SLC15A4: variants seen among roughly 807,000 people sequenced by gnomAD.
SLC15A4 encodes the protein hPHT1.
SLC15A4 carries 26 observed loss-of-function variants against 46.1 expected under a neutral mutation model. The observed-to-expected ratio is 0.56, with a 90% CI of 0.41 to 0.78. The LOEUF (loss-of-function observed/expected upper bound fraction) is 0.78, where lower values mean the gene tolerates loss of function less well. Ranked by LOEUF, SLC15A4 falls within the 30% of genes least tolerant of loss-of-function variation. The pLI is 0.00. For synonymous variants in SLC15A4, 370 were observed against 333.4 expected (o/e 1.11, Z -1.20); for missense variants, 751 against 755.7 (o/e 0.99, Z 0.07).
intron 1 of SLC15A4, among the ~76,000 whole-genome samples, chr12:128,817,348 G>A (rs545755768): frequency 6.6e-6 from 1 of 152,280 alleles, no homozygotes; most frequent in South Asian, 2.1e-4. Flanking sequence ...AAAAATGTGA[G>A]CAGAGAAATG....
intron 5 of SLC15A4, among the ~76,000 whole-genome samples, chr12:128,802,109 G>C (rs1202697548): frequency 1.3e-5 from 2 of 152,112 alleles, no homozygotes; most frequent in Non-Finnish European, 2.9e-5. Context: ...AGAGTGTCAA[G>C]GGAAACCCAA....
chr12:128,810,397 C>T, intron 2 of SLC15A4: 1 of 371,598 alleles, frequency 2.7e-6, no homozygotes. Flanking sequence ...TGAACCACGG[C>T]TGAGCTGAGA....
chr12:128,823,354 G>A (rs1354949941), intron 1 of SLC15A4, 44 bp downstream of exon 1: 5 of 1,354,128 alleles, frequency 3.7e-6, no homozygotes, highest in Non-Finnish European at 4.7e-6. Context: ...GGGCTGGGCA[G>A]GGGCTGGACA....
intron 5 of SLC15A4, among the ~76,000 whole-genome samples, chr12:128,805,779 G>A (rs1012895543): frequency 6.6e-6 from 1 of 152,114 alleles, no homozygotes; most frequent in Admixed American, 6.6e-5. Context: ...TGATCTACTC[G>A]CCTTGGTCTC....
Position 128,794,151 on chromosome 12 carries a change from T to C in SLC15A4, c.*45A>G. On this transcript the variant is annotated 3_prime_UTR_variant, in exon 8 of 8. Transcript: ENST00000266771. ...CCTGTTCTCAGTGCACCCCAGTCAG[T>C]TACTGACATGTCAGCCTCAGAAACC... 1 of 1,565,108 alleles carries C rather than the reference T, an allele frequency of 6.4e-7. No homozygotes were observed. Among genetic ancestry groups the C allele is most frequent in the Non-Finnish European group, 8.7e-7 (1 of 1,151,090 alleles).
At chr12:128,797,341 G>T (rs1955458119) in intron 7 of SLC15A4, among the ~76,000 whole-genome samples, 7 of 152,132 alleles carry the variant, frequency 4.6e-5, no homozygotes, top group Admixed American at 4.6e-4. Context: ...CACAGGACAG[G>T]CGAGGGTAAC....
rs550098540 is a variant in SLC15A4, at chr12:128,822,788, G to A, written c.546+610C>T. ...TGACCTTAGGTGATCCACCCACCTC[G>A]GCCTCCCAAAGTGTTGGGATTACAG... On this transcript the variant is annotated intron_variant, in intron 1 of 7. Coordinates refer to ENST00000266771, the MANE Select transcript of SLC15A4 (RefSeq NM_145648.4). Among the ~76,000 whole-genome samples, 134 of 152,234 alleles carry A rather than the reference G, an allele frequency of 8.8e-4. 1 individual carries two copies. The highest frequency in any genetic ancestry group is 3.1e-3 in the African/African-American group (128 of 41,540).
chr12:128,799,009 G>A (rs1391247845), intron 7 of SLC15A4, among the ~76,000 whole-genome samples: 1 of 152,278 alleles, frequency 6.6e-6, no homozygotes. Flanking sequence ...CTGCTCGCTG[G>A]GCTGTGGCCA....
At chr12:128,817,499 C>T (rs527405034) in intron 1 of SLC15A4, among the ~76,000 whole-genome samples, 1 of 152,286 alleles carries the variant, frequency 6.6e-6, no homozygotes, top group African/African-American at 2.4e-5. Context: ...TGTACTCGGA[C>T]CTTCCCATTA....
intron 1 of SLC15A4, 32 bp downstream of exon 1, chr12:128,823,366 G>A: frequency 6.5e-6 from 9 of 1,378,060 alleles, no homozygotes; most frequent in Non-Finnish European, 8.4e-6. Context: ...GGCTGGACAG[G>A]GACAGGGACA....
At chr12:128,799,698 T>C (rs1228607988) in intron 6 of SLC15A4, among the ~76,000 whole-genome samples, 16 of 152,184 alleles carry the variant, frequency 1.1e-4, no homozygotes, top group Non-Finnish European at 2.4e-4. Flanking sequence ...GGTAATGTGA[T>C]TTGTTGGCTC....
chr12:128,810,426 G>A (rs1593011429), intron 2 of SLC15A4: 2 of 316,322 alleles, frequency 6.3e-6, no homozygotes, highest in East Asian at 7.9e-5. Context: ...GCAGCTGCCA[G>A]CTCGGCAATC....
chr12:128,809,669 GA>G (rs1955630600), intron 3 of SLC15A4, 196 bp from the exon 4 acceptor site: 2 of 547,066 alleles, frequency 3.7e-6, no homozygotes, highest in Non-Finnish European at 6.4e-6. Flanking sequence ...TTTTGAAAAA[GA>G]ATGGCCAGTT....
intron 5 of SLC15A4, among the ~76,000 whole-genome samples, chr12:128,806,441 T>C (rs2135711611): frequency 6.6e-6 from 1 of 152,200 alleles, no homozygotes; most frequent in East Asian, 1.9e-4. Flanking sequence ...GTGTAGGTGG[T>C]AAGCTATAAG....
intron 2 of SLC15A4, chr12:128,814,559 G>A: frequency 3.7e-6 from 2 of 542,178 alleles, no homozygotes; most frequent in Admixed American, 3.2e-5. Flanking sequence ...GTTAAAGCAT[G>A]AGCTCTGGAA....
chr12:128,812,761 G>A (rs369090376), intron 2 of SLC15A4, among the ~76,000 whole-genome samples: 3 of 152,066 alleles, frequency 2.0e-5, no homozygotes, highest in African/African-American at 4.8e-5. Context: ...ATCCATCTCC[G>A]CTGTAAAAAA....
At chr12:128,816,705 G>A (rs777603058) in intron 1 of SLC15A4, among the ~76,000 whole-genome samples, 5 of 152,200 alleles carry the variant, frequency 3.3e-5, no homozygotes, top group East Asian at 1.9e-4. Context: ...GGTGGTGTGC[G>A]CCTACAGTCC....
Position 128,823,496 on chromosome 12 carries a change from C to A in SLC15A4, c.448G>T (p.Ala150Ser). ...AAGGTGGCCGGTGAGCAGCAGCGGG[C>A]GGCGGCGTCGGGACCAGGCGCCGTG... is the stretch of plus-strand genomic sequence containing the variant. ...NCTAPGPDAAARCCSPATFAG... is the reference protein window; with the variant it reads ...NCTAPGPDAASRCCSPATFAG... Residue 150 changes from alanine (A) to serine (S), a missense_variant, in exon 1 of 8, where the codon GCC becomes TCC. By Grantham distance (99) the Ala-to-Ser change is moderately conservative. Transcript: ENST00000266771. 6.7e-7 allele frequency: 1 copy of A among 1,483,682 alleles called. No homozygotes were observed. The highest frequency in any genetic ancestry group is 2.3e-4 in the Middle Eastern group (1 of 4,352). 91.9% of individuals were successfully genotyped at this position (1,483,682 alleles called of 1,614,324 possible). A position where few individuals can be genotyped will look rare whatever the true frequency, so the allele number is the denominator to read the frequency against.
At chr12:128,816,199 G>C (rs1241038578) in intron 1 of SLC15A4, among the ~76,000 whole-genome samples, 1 of 152,190 alleles carries the variant, frequency 6.6e-6, no homozygotes, top group African/African-American at 2.4e-5. Context: ...TGGAGCCCAA[G>C]CGGTGGGAAC....
Sources: allele counts gnomAD v4.1 joint callset (sites outside exome capture counted in the v4.1 genomes callset), GRCh38; gene constraint gnomAD v4.1.1; transcripts MANE v1.5; gene names NCBI Gene and HGNC (gene_info 2026-07-23, HGNC 2026-07-21).